Variants in SH3GL3 observed in about 807,000 individuals in gnomAD.
SH3GL3 encodes endophilin-A3.
A neutral mutation model predicts 47.7 loss-of-function variants in SH3GL3; 33 were observed. The ratio of observed to expected loss-of-function variants is 0.69; its 90% CI spans 0.52 to 0.92. SH3GL3 has a LOEUF of 0.92. Among genes scored for constraint, SH3GL3 ranks in the 40% least tolerant of loss-of-function variants. The pLI is 0.00. For missense variants in SH3GL3, 363 were observed against 417.8 expected, an observed-to-expected ratio of 0.87 and a Z score of 1.14; for synonymous variants, 155 against 148.8, an observed-to-expected ratio of 1.04 and a Z score of -0.30.
At chr15:83,601,243 A>G (rs1194288684) in intron 8 of SH3GL3, among the ~76,000 whole-genome samples, 3 of 152,194 alleles carry the variant, frequency 2.0e-5, no homozygotes, top group Admixed American at 6.5e-5. Flanking sequence ...ATTGAATAGA[A>G]GTGGTGAGAG....
intron 1 of SH3GL3, among the ~76,000 whole-genome samples, chr15:83,558,111 A>T (rs1049463759): frequency 6.6e-6 from 1 of 152,156 alleles, no homozygotes; most frequent in Non-Finnish European, 1.5e-5. Context: ...TTGCATATTC[A>T]TATTACTATT....
At chr15:83,623,416 G>A (rs1293230162), downstream of SH3GL3, among the ~76,000 whole-genome samples, 1 of 152,206 alleles carries the variant, frequency 6.6e-6, no homozygotes, top group African/African-American at 2.4e-5. Flanking sequence ...AGGTTGGCTG[G>A]GCTGACTCAG....
chr15:83,603,276 A>G (rs929043920), intron 8 of SH3GL3, among the ~76,000 whole-genome samples: 6 of 152,152 alleles, frequency 3.9e-5, no homozygotes, highest in Non-Finnish European at 2.9e-5. Flanking sequence ...CTGTCACCAC[A>G]CTGGCCACAA....
At chr15:83,490,883 T>C (rs564966859) in intron 1 of SH3GL3, 2 of 1,614,122 alleles carry the variant, frequency 1.2e-6, no homozygotes, top group South Asian at 2.2e-5. Flanking sequence ...AATAGGTGCC[T>C]TACCTGGACC....
At chr15:83,591,431 C>T (rs1313799228) in intron 8 of SH3GL3, among the ~76,000 whole-genome samples, 1 of 151,008 alleles carries the variant, frequency 6.6e-6, no homozygotes, top group African/African-American at 2.4e-5. Flanking sequence ...ATATAAGCTG[C>T]ACAGTGTGAA....
chr15:83,503,569 C>T (rs930744321), intron 1 of SH3GL3, among the ~76,000 whole-genome samples: 11 of 152,170 alleles, frequency 7.2e-5, no homozygotes, highest in African/African-American at 1.4e-4. Context: ...AACAACCTTA[C>T]GGGGTAGGTA....
At chr15:83,460,807 G>A (rs557287596) in intron 1 of SH3GL3, among the ~76,000 whole-genome samples, 16 of 152,188 alleles carry the variant, frequency 1.1e-4, no homozygotes, top group African/African-American at 2.9e-4. Context: ...TACACAGGCC[G>A]GGTGCGGTGG....
intron 8 of SH3GL3, chr15:83,609,356 G>A (rs1027787187): frequency 3.1e-5 from 14 of 455,456 alleles, no homozygotes; most frequent in African/African-American, 8.0e-5. Context: ...GTGACAGGTC[G>A]CAGCCAGACT....
In SH3GL3 at chr15:83,447,963, C is replaced by T. The variant is rs907062947; in HGVS notation, c.45+385C>T. On this transcript the variant is annotated intron_variant, in intron 1 of 8. Coordinates refer to ENST00000427482, the MANE Select transcript of SH3GL3 (RefSeq NM_003027.5). The surrounding 1 kb of genome is among the most constrained non-coding windows in gnomAD (Gnocchi z 5.1). ...GCAGGGCCTCCCCCGAGTCTCCAGC[C>T]GTTTGGTTGGGAGAGCCTCGTGGGG... Among the ~76,000 whole-genome samples the T allele has an allele frequency of 2.0e-5, 3 of 152,132 alleles. No homozygotes were observed. Among genetic ancestry groups the T allele is most frequent in the African/African-American group, 7.2e-5 (3 of 41,418 alleles).
chr15:83,523,391 G>A (rs1185963684), intron 1 of SH3GL3, among the ~76,000 whole-genome samples: 1 of 152,168 alleles, frequency 6.6e-6, no homozygotes, highest in Non-Finnish European at 1.5e-5. Flanking sequence ...GTGGTGCGGG[G>A]TGGGCTGCCC....
chr15:83,631,708 G>A, the SH3GL3 span, among the ~76,000 whole-genome samples: 1 of 152,216 alleles, frequency 6.6e-6, no homozygotes, highest in South Asian at 2.1e-4. Flanking sequence ...AGCCGGTTGG[G>A]GGCCCTGGGC....
chr15:83,571,019 C>T (rs1284427105), intron 4 of SH3GL3, among the ~76,000 whole-genome samples: 1 of 152,174 alleles, frequency 6.6e-6, no homozygotes, highest in East Asian at 1.9e-4. Context: ...AGGAAGAGAG[C>T]TGATGTCAGC....
At chr15:83,492,359 A>G (rs7166783) in intron 1 of SH3GL3, among the ~76,000 whole-genome samples, 51,268 of 149,460 alleles carry the variant, frequency 0.34, 9,421 homozygotes, top group South Asian at 0.65. Context: ...AATGAAGTCC[A>G]TCGGATTTAG....
At chr15:83,566,365 A>AGAGAGAGTGT (rs1459069703) in intron 3 of SH3GL3, among the ~76,000 whole-genome samples, 24 of 136,696 alleles carry the variant, frequency 1.8e-4, no homozygotes, top group Non-Finnish European at 2.2e-4. Flanking sequence ...AGAGAGAGAG[A>AGAGAGAGTGT]GTGTGTGTGT....
intron 2 of SH3GL3, among the ~76,000 whole-genome samples, chr15:83,562,725 C>T (rs1191442857): frequency 6.6e-6 from 1 of 152,144 alleles, no homozygotes. Context: ...AAGCTATAAT[C>T]ACAAAGGCAA....
In SH3GL3 at chr15:83,552,132, T is replaced by C. The variant is rs937910651; in HGVS notation, c.46-7121T>C. 2.6e-5 allele frequency among the ~76,000 whole-genome samples: 4 copies of C among 152,188 alleles called. No individual in the cohort carries two copies. The East Asian group carries it at 7.7e-4, about 29-fold the overall frequency. On this transcript the variant is annotated intron_variant, in intron 1 of 8. Transcript: ENST00000427482. ...TGCTGTTTGTGTTTCTGCTTTCCAG[T>C]GGGCCTGTGAGAGTGACTGATCTTT...
chr15:83,499,136 G>C (rs1023387448), intron 1 of SH3GL3, among the ~76,000 whole-genome samples: 1 of 151,956 alleles, frequency 6.6e-6, no homozygotes, highest in Admixed American at 6.6e-5. Context: ...TTCTTACAGC[G>C]TTTTATACAT....
chr15:83,585,252 A>G (rs775699389), intron 6 of SH3GL3, among the ~76,000 whole-genome samples: 1 of 152,222 alleles, frequency 6.6e-6, no homozygotes, highest in Non-Finnish European at 1.5e-5. Flanking sequence ...TTTCCTTCCC[A>G]AAGTCAGCCA....
Position 83,448,238 on chromosome 15 carries a change from T to G in SH3GL3, c.45+660T>G, listed in dbSNP as rs1159714855. Among the ~76,000 whole-genome samples the G allele has an allele frequency of 6.6e-6, 1 of 152,038 alleles. No individual in the cohort carries two copies. Among genetic ancestry groups the G allele is most frequent in the Non-Finnish European group, 1.5e-5 (1 of 68,000 alleles). On this transcript the variant is annotated intron_variant, in intron 1 of 8. Coordinates refer to ENST00000427482, the MANE Select transcript of SH3GL3 (RefSeq NM_003027.5). The surrounding 1 kb of genome is among the most constrained non-coding windows in gnomAD (Gnocchi z 4.2). ...CAGGGGAGACACGGAGACAGACACG[T>G]AAACAAACAGTGCTAGACACACCTC... is the stretch of plus-strand genomic sequence containing the variant.
Sources: allele counts gnomAD v4.1 joint callset (sites outside exome capture counted in the v4.1 genomes callset), GRCh38; gene constraint gnomAD v4.1.1; non-coding constraint Gnocchi (gnomAD v3.1); transcripts MANE v1.5; gene names NCBI Gene and HGNC (gene_info 2026-07-23, HGNC 2026-07-21).